GALNTL6: variants seen among roughly 807,000 people sequenced by gnomAD.
GALNTL6 encodes polypeptide N-acetylgalactosaminyltransferase like 6, also known as polypeptide N-acetylgalactosaminyltransferase-like 6.
GALNTL6 carries 46 observed loss-of-function variants against 73.7 expected under a neutral mutation model. The ratio of observed to expected loss-of-function variants is 0.62; its 90% confidence interval spans 0.49 to 0.80. GALNTL6 has a LOEUF of 0.80. GALNTL6 is among the 30% of genes least tolerant of loss of function. GALNTL6 has a pLI of 0.00. For synonymous variants in GALNTL6, 259 were observed against 263.7 expected, an observed-to-expected ratio of 0.98 and a Z score of 0.17; for missense variants, 604 against 755.0, an observed-to-expected ratio of 0.80 and a Z score of 2.34.
intron 3 of GALNTL6, among the ~76,000 whole-genome samples, chr4:172,292,962 C>T (rs917987904): frequency 3.9e-5 from 6 of 152,000 alleles, no homozygotes; most frequent in African/African-American, 7.2e-5. Flanking sequence ...CCATTTCTAT[C>T]GAAATGAGGG....
chr4:172,229,535 T>C, intron 2 of GALNTL6, 121 bp from the exon 3 acceptor site: 2 of 624,252 alleles, frequency 3.2e-6, no homozygotes, highest in Non-Finnish European at 5.7e-6. Context: ...TTCATTATAC[T>C]CAGAAGATTC....
intron 2 of GALNTL6, among the ~76,000 whole-genome samples, chr4:171,890,562 A>G (rs1736732083): frequency 1.3e-5 from 2 of 152,190 alleles, no homozygotes; most frequent in Admixed American, 6.6e-5. Flanking sequence ...AAATTGCCAT[A>G]TAATAACCTG....
chr4:172,731,850 AG>A (rs1736168443), intron 5 of GALNTL6, among the ~76,000 whole-genome samples: 1 of 152,090 alleles, frequency 6.6e-6, no homozygotes, highest in Admixed American at 6.5e-5. Flanking sequence ...TGAATTTTCC[AG>A]GGTTCATCTT....
At chr4:172,589,947 G>A (rs772511353) in intron 5 of GALNTL6, among the ~76,000 whole-genome samples, 5 of 152,162 alleles carry the variant, frequency 3.3e-5, no homozygotes, top group Non-Finnish European at 7.4e-5. Flanking sequence ...TAGATGAAAT[G>A]TCTACAGTTA....
intron 2 of GALNTL6, among the ~76,000 whole-genome samples, chr4:172,074,859 G>C (rs780632730): frequency 1.3e-5 from 2 of 152,162 alleles, no homozygotes; most frequent in Non-Finnish European, 2.9e-5. Flanking sequence ...GAAGATTTGG[G>C]AGGAGTTTTA....
intron 5 of GALNTL6, among the ~76,000 whole-genome samples, chr4:172,687,916 G>A (rs1316803590): frequency 6.6e-6 from 1 of 152,042 alleles, no homozygotes; most frequent in Admixed American, 6.5e-5. Context: ...GTAAGCTCTA[G>A]GTTTACTTAG....
chr4:171,831,592 T>G (rs888045951), intron 2 of GALNTL6, among the ~76,000 whole-genome samples: 5 of 151,942 alleles, frequency 3.3e-5, no homozygotes, highest in African/African-American at 1.2e-4. Context: ...TTCATTTCAA[T>G]AGTGTATGAA....
At chr4:173,013,493 T>G (rs1348728227) in intron 11 of GALNTL6, among the ~76,000 whole-genome samples, 2 of 151,990 alleles carry the variant, frequency 1.3e-5, no homozygotes, top group Non-Finnish European at 2.9e-5. Flanking sequence ...AACATGGATA[T>G]AAACAAAGGC....
intron 2 of GALNTL6, among the ~76,000 whole-genome samples, chr4:172,058,028 A>G (rs1272681266): frequency 6.6e-6 from 1 of 151,996 alleles, no homozygotes; most frequent in Non-Finnish European, 1.5e-5. Context: ...ATAAATCAGC[A>G]ACTACACATT....
At chr4:172,040,053 T>C (rs750128871) in intron 2 of GALNTL6, among the ~76,000 whole-genome samples, 1 of 152,092 alleles carries the variant, frequency 6.6e-6, no homozygotes, top group Non-Finnish European at 1.5e-5. Context: ...AAATAGTAAT[T>C]TCATCAATTA....
At chr4:172,017,834 C>A (rs1035069469) in intron 2 of GALNTL6, among the ~76,000 whole-genome samples, 1 of 152,052 alleles carries the variant, frequency 6.6e-6, no homozygotes, top group Non-Finnish European at 1.5e-5. Context: ...TGGGGAATGC[C>A]TGCAAAGAGT....
At position 172,279,461 on chromosome 4, in the gene GALNTL6, A is replaced by G. The variant is rs570995738; in HGVS notation, c.248-32153A>G. Among the ~76,000 whole-genome samples, 4 of 152,304 alleles carry G rather than the reference A, an allele frequency of 2.6e-5. No homozygotes were observed. The South Asian group carries it at 8.3e-4, about 32-fold the overall frequency. ...AAAATATCAATAAGCATACAAAAAT[A>G]TGTTCTACATCACTAATCATCAGGG... On this transcript the variant is annotated intron_variant, in intron 3 of 12. Transcript: ENST00000506823.
intron 5 of GALNTL6, among the ~76,000 whole-genome samples, chr4:172,450,607 T>C (rs995697189): frequency 2.0e-5 from 3 of 152,252 alleles, no homozygotes; most frequent in Non-Finnish European, 2.9e-5. Context: ...TGTAATCAGA[T>C]GAAATGATTG....
intron 2 of GALNTL6, among the ~76,000 whole-genome samples, chr4:172,014,808 C>T (rs1398536484): frequency 6.6e-6 from 1 of 151,962 alleles, no homozygotes; most frequent in Admixed American, 6.6e-5. Flanking sequence ...ATTGTTGACC[C>T]AAAGATCATT....
intron 5 of GALNTL6, among the ~76,000 whole-genome samples, chr4:172,476,364 G>A (rs1270564510): frequency 6.6e-6 from 1 of 152,066 alleles, no homozygotes; most frequent in Non-Finnish European, 1.5e-5. Flanking sequence ...CCTCTCAAAG[G>A]CCCCACATCC....
chr4:172,740,176 G>T (rs1396564619), intron 5 of GALNTL6, among the ~76,000 whole-genome samples: 1 of 151,962 alleles, frequency 6.6e-6, no homozygotes, highest in Non-Finnish European at 1.5e-5. Context: ...CTCCCCACGT[G>T]ATTTATACCT....
chr4:172,140,510 AC>A (rs1167410211), intron 2 of GALNTL6, among the ~76,000 whole-genome samples: 1 of 152,008 alleles, frequency 6.6e-6, no homozygotes, highest in African/African-American at 2.4e-5. Context: ...ATCCTCATAT[AC>A]CTTCTGACAT....
intron 2 of GALNTL6, among the ~76,000 whole-genome samples, chr4:171,967,454 T>TTTTTTGTTG (rs1553976678): frequency 1.6e-4 from 7 of 44,542 alleles, no homozygotes; most frequent in African/African-American, 5.6e-4. Flanking sequence ...TGGGTTTTTT[T>TTTTTTGTTG]TTTTTTTTTT....
At chr4:172,778,008 A>G (rs886201681) in intron 5 of GALNTL6, among the ~76,000 whole-genome samples, 3 of 152,262 alleles carry the variant, frequency 2.0e-5, no homozygotes, top group African/African-American at 7.2e-5. Context: ...TATTGTCACA[A>G]CAATACTAAG....
Sources: gnomAD v4.1 joint callset for allele counts (sites outside exome capture counted in the v4.1 genomes callset) on GRCh38, gnomAD v4.1.1 for gene constraint, MANE v1.5 for transcripts, NCBI Gene and HGNC (gene_info 2026-07-23, HGNC 2026-07-21) for gene names.